MTNAP1: variants seen among roughly 807,000 people sequenced by gnomAD.
MTNAP1 encodes the protein mitochondrial nucleoid-associated protein 1.
At chr17:73,240,902 C>T in the MTNAP1 span, among the ~76,000 whole-genome samples, 3 of 152,122 alleles carry the variant, frequency 2.0e-5, no homozygotes, top group South Asian at 2.1e-4. Context: ...CTAACCTTCA[C>T]CTTGCAAGAG....
the MTNAP1 span, among the ~76,000 whole-genome samples, chr17:73,240,490 G>A: frequency 6.6e-6 from 1 of 152,144 alleles, no homozygotes; most frequent in Non-Finnish European, 1.5e-5. Flanking sequence ...CAATCTATAG[G>A]GATTAAAAGA....
chr17:73,239,786 G>A, the MTNAP1 span, among the ~76,000 whole-genome samples: 2 of 152,114 alleles, frequency 1.3e-5, no homozygotes, highest in African/African-American at 2.4e-5. Flanking sequence ...CTCCCAAAGT[G>A]CTGGGATTAC....
chr17:73,244,272 G>A, the MTNAP1 span, among the ~76,000 whole-genome samples: 1 of 152,026 alleles, frequency 6.6e-6, no homozygotes, highest in Non-Finnish European at 1.5e-5. Flanking sequence ...TCAAAAACCA[G>A]TATTTTGGGG....
At chr17:73,245,073 A>G in the MTNAP1 span, 7 of 1,215,254 alleles carry the variant, frequency 5.8e-6, no homozygotes, top group Non-Finnish European at 7.1e-6. Context: ...CTAAACTTAT[A>G]AAACAAAAAG....
chr17:73,237,264 C>T, the MTNAP1 span, among the ~76,000 whole-genome samples: 1 of 152,092 alleles, frequency 6.6e-6, no homozygotes, highest in South Asian at 2.1e-4. Flanking sequence ...TGGTGAAACC[C>T]CATCTCTACT....
the MTNAP1 span, among the ~76,000 whole-genome samples, chr17:73,238,905 AT>A: frequency 6.7e-6 from 1 of 148,862 alleles, no homozygotes; most frequent in East Asian, 2.0e-4. Context: ...CATGTTTGTT[AT>A]AGTGCCATAC....
At chr17:73,248,466 G>A in the MTNAP1 span, 2 of 1,550,018 alleles carry the variant, frequency 1.3e-6, no homozygotes, top group African/African-American at 1.4e-5. Context: ...TGTGGCATTG[G>A]AGTGCCCCGC....
chr17:73,235,906 G>A, the MTNAP1 span: 53 of 1,613,996 alleles, frequency 3.3e-5, no homozygotes, highest in African/African-American at 4.9e-4. Context: ...TCAGTTTTAC[G>A]CATCAGAGAA....
the MTNAP1 span, among the ~76,000 whole-genome samples, chr17:73,239,457 A>G: frequency 6.6e-6 from 1 of 151,998 alleles, no homozygotes; most frequent in Non-Finnish European, 1.5e-5. Flanking sequence ...TCCTCATAAC[A>G]GCTCTGAGTG....
At chr17:73,236,759 C>A in the MTNAP1 span, 1 of 1,614,054 alleles carries the variant, frequency 6.2e-7, no homozygotes, top group Non-Finnish European at 8.5e-7. Context: ...GCATCACACA[C>A]TGGGTGCCAG....
the MTNAP1 span, chr17:73,248,388 C>T: frequency 2.9e-6 from 3 of 1,018,956 alleles, no homozygotes; most frequent in Admixed American, 4.2e-5. Flanking sequence ...TTTTAAACAG[C>T]CTTATAAGTT....
the MTNAP1 span, chr17:73,245,711 G>A: frequency 5.1e-6 from 5 of 985,346 alleles, no homozygotes; most frequent in Non-Finnish European, 4.8e-6. Flanking sequence ...GCTAAGGATG[G>A]GCATTCGAGT....
chr17:73,243,107 T>A, the MTNAP1 span: 2 of 772,528 alleles, frequency 2.6e-6, no homozygotes, highest in Non-Finnish European at 4.4e-6. Flanking sequence ...TTTTTACAGC[T>A]TTACAGTATC....
At chr17:73,248,803 C>T in the MTNAP1 span, 2 of 399,466 alleles carry the variant, frequency 5.0e-6, no homozygotes, top group East Asian at 8.0e-5. Flanking sequence ...ACTGAGTTTA[C>T]TTGGGAATGT....
At chr17:73,235,634 G>A in the MTNAP1 span, 14 of 1,614,110 alleles carry the variant, frequency 8.7e-6, 1 homozygote, top group South Asian at 5.5e-5. Context: ...ACACTCCCAC[G>A]TGCTAAAAAG....
the MTNAP1 span, chr17:73,237,090 C>T: frequency 2.4e-6 from 3 of 1,255,230 alleles, no homozygotes; most frequent in Non-Finnish European, 3.2e-6. Context: ...CATTTTCAGT[C>T]ATTTAGTTTA....
chr17:73,240,695 G>A, the MTNAP1 span, among the ~76,000 whole-genome samples: 2 of 152,164 alleles, frequency 1.3e-5, no homozygotes, highest in African/African-American at 4.8e-5. Flanking sequence ...TAAAAGGCAG[G>A]GCCAGTGAGC....
the MTNAP1 span, among the ~76,000 whole-genome samples, chr17:73,240,885 TA>T: frequency 1.0e-4 from 15 of 150,100 alleles, no homozygotes; most frequent in South Asian, 3.2e-3. Flanking sequence ...GTTTTTTTTT[TA>T]AGAGACTAAC....
chr17:73,239,685 A>T, the MTNAP1 span, among the ~76,000 whole-genome samples: 13 of 145,578 alleles, frequency 8.9e-5, no homozygotes, highest in African/African-American at 3.0e-4. Context: ...CGCCCAGCTA[A>T]TTTTTTTTTT....
Sources: gnomAD v4.1 joint callset for allele counts (sites outside exome capture counted in the v4.1 genomes callset) on GRCh38, gnomAD v4.1.1 for gene constraint, MANE v1.5 for transcripts, NCBI Gene and HGNC (gene_info 2026-07-23, HGNC 2026-07-21) for gene names.